CADM1: variants seen among roughly 807,000 people sequenced by gnomAD.
The protein encoded by CADM1 is cell adhesion molecule 1.
CADM1 carries 15 observed loss-of-function variants against 53.1 expected under a neutral mutation model. The ratio of observed to expected loss-of-function variants is 0.28; its 90% CI spans 0.19 to 0.44. The LOEUF (loss-of-function observed/expected upper bound fraction) is 0.44, where lower values mean the gene tolerates loss of function less well. CADM1 is among the 20% of genes least tolerant of loss of function. The pLI, the probability that CADM1 is intolerant of heterozygous loss-of-function variation, is 1.00. For missense variants in CADM1, 434 were observed against 611.3 expected (o/e 0.71, Z 3.06); for synonymous variants, 281 against 243.0 (o/e 1.16, Z -1.45).
At chr11:115,177,848 G>C (rs1939110625) in intron 11 of CADM1, among the ~76,000 whole-genome samples, 2 of 152,166 alleles carry the variant, frequency 1.3e-5, no homozygotes, top group South Asian at 4.1e-4. Context: ...GTGCTCAAGG[G>C]ACCTTCCCCC....
chr11:115,209,517 A>C, intron 8 of CADM1, 57 bp downstream of exon 8: 1 of 1,610,112 alleles, frequency 6.2e-7, no homozygotes. Flanking sequence ...CTTTTTATAC[A>C]TACCAGAAAG....
intron 1 of CADM1, among the ~76,000 whole-genome samples, chr11:115,432,994 A>T (rs959893378): frequency 6.6e-6 from 1 of 152,238 alleles, no homozygotes; most frequent in African/African-American, 2.4e-5. Flanking sequence ...TTTAAATAGC[A>T]TTCCAAATCA....
intron 1 of CADM1, among the ~76,000 whole-genome samples, chr11:115,366,890 G>A (rs571634377): frequency 1.3e-5 from 2 of 152,294 alleles, no homozygotes; most frequent in East Asian, 3.9e-4. Context: ...AGGAATTAAT[G>A]TGAAATAGTC....
At chr11:115,216,280 C>T (rs1179281003) in intron 6 of CADM1, among the ~76,000 whole-genome samples, 1 of 152,228 alleles carries the variant, frequency 6.6e-6, no homozygotes, top group Non-Finnish European at 1.5e-5. Context: ...AAGGAACAAA[C>T]AAATCCCTTC....
In CADM1 at chr11:115,176,295, T is replaced by C; in HGVS notation, c.*179A>G. 6.9e-7 allele frequency: 1 copy of C among 1,451,832 alleles called. No homozygotes were observed. The highest frequency in any genetic ancestry group is 9.1e-7 in the Non-Finnish European group (1 of 1,099,834). 89.9% of individuals were successfully genotyped at this position (1,451,832 alleles called of 1,614,324 possible). A position where few individuals can be genotyped will look rare whatever the true frequency, so the allele number is the denominator to read the frequency against. On this transcript the variant is annotated 3_prime_UTR_variant, in exon 12 of 12. Transcript: ENST00000331581. ...AAAAAAGAGGTGTCAAACAGCAGAG[T>C]GTACTTTCCAAAGAACATTTTTTTT...
At chr11:115,271,965 C>G (rs1271860766) in intron 1 of CADM1, among the ~76,000 whole-genome samples, 2 of 152,156 alleles carry the variant, frequency 1.3e-5, no homozygotes, top group Non-Finnish European at 2.9e-5. Context: ...AATGGTTCTT[C>G]CTAATCACTC....
At chr11:115,210,198 A>T (rs1326750387) in intron 7 of CADM1, among the ~76,000 whole-genome samples, 1 of 152,230 alleles carries the variant, frequency 6.6e-6, no homozygotes, top group Non-Finnish European at 1.5e-5. Context: ...AATACAAAGA[A>T]GAGAGAATGT....
chr11:115,257,905 G>A (rs1250923856), intron 1 of CADM1, among the ~76,000 whole-genome samples: 4 of 152,168 alleles, frequency 2.6e-5, no homozygotes, highest in Admixed American at 2.6e-4. Context: ...GGTGCGAGGT[G>A]GGGCCCAGGC....
chr11:115,329,445 C>T (rs984608190), intron 1 of CADM1, among the ~76,000 whole-genome samples: 1 of 152,114 alleles, frequency 6.6e-6, no homozygotes, highest in African/African-American at 2.4e-5. Flanking sequence ...CCCTGACCCC[C>T]CTCACAAGAC....
At chr11:115,450,504 T>C (rs1948547813) in intron 1 of CADM1, among the ~76,000 whole-genome samples, 1 of 152,328 alleles carries the variant, frequency 6.6e-6, no homozygotes, top group East Asian at 1.9e-4. Context: ...AATTTTACAC[T>C]ATACAACTTC....
chr11:115,452,541 C>A (rs1948596770), intron 1 of CADM1, among the ~76,000 whole-genome samples: 1 of 152,066 alleles, frequency 6.6e-6, no homozygotes. Flanking sequence ...GTCATTCGGA[C>A]CAGAGAGTTA....
At chr11:115,379,164 G>T (rs1226591802) in intron 1 of CADM1, among the ~76,000 whole-genome samples, 1 of 152,208 alleles carries the variant, frequency 6.6e-6, no homozygotes, top group Non-Finnish European at 1.5e-5. Context: ...CACAAGCCAT[G>T]TTTCTATTAG....
chr11:115,256,963 T>G (rs1942809636), intron 1 of CADM1: 2 of 453,514 alleles, frequency 4.4e-6, no homozygotes, highest in Non-Finnish European at 8.9e-6. Flanking sequence ...GTTAGGTTTA[T>G]GGGCAGTCAT....
chr11:115,223,577 T>G (rs994256596), intron 5 of CADM1, among the ~76,000 whole-genome samples: 2 of 152,164 alleles, frequency 1.3e-5, no homozygotes, highest in African/African-American at 2.4e-5. Context: ...GGCCTCTTTC[T>G]GCAGGGTATG....
At chr11:115,181,916 C>T (rs927141041) in intron 10 of CADM1, among the ~76,000 whole-genome samples, 6 of 152,114 alleles carry the variant, frequency 3.9e-5, no homozygotes, top group Non-Finnish European at 8.8e-5. Context: ...TGGAGTCGCA[C>T]GAAAACCAGA....
intron 3 of CADM1, among the ~76,000 whole-genome samples, chr11:115,232,096 C>A (rs1173160774): frequency 1.3e-5 from 2 of 152,110 alleles, no homozygotes; most frequent in African/African-American, 2.4e-5. Flanking sequence ...ACCAGTCATT[C>A]AAAAATTAAC....
At chr11:115,385,363 T>C (rs1045364608) in intron 1 of CADM1, among the ~76,000 whole-genome samples, 1 of 152,126 alleles carries the variant, frequency 6.6e-6, no homozygotes, top group African/African-American at 2.4e-5. Flanking sequence ...CAAAGCTTTT[T>C]CTATGTGTGA....
At chr11:115,200,642 T>C (rs1304433469) in intron 8 of CADM1, among the ~76,000 whole-genome samples, 2 of 152,234 alleles carry the variant, frequency 1.3e-5, no homozygotes, top group African/African-American at 2.4e-5. Flanking sequence ...ATTACTGGCA[T>C]GTGCCACCAC....
At chr11:115,381,557 G>C (rs1271026620) in intron 1 of CADM1, among the ~76,000 whole-genome samples, 1 of 152,134 alleles carries the variant, frequency 6.6e-6, no homozygotes, top group Non-Finnish European at 1.5e-5. Context: ...TGAACTATTT[G>C]ACCTTGGGAA....
Sources: allele counts gnomAD v4.1 joint callset (sites outside exome capture counted in the v4.1 genomes callset), GRCh38; gene constraint gnomAD v4.1.1; transcripts MANE v1.5; gene names NCBI Gene and HGNC (gene_info 2026-07-23, HGNC 2026-07-21).